The following COBL variants were observed in gnomAD, a reference collection of about 807,000 sequenced individuals.
The protein encoded by COBL is cordon-bleu WH2 repeat protein, also known as protein cordon-bleu.
COBL carries 51 observed loss-of-function variants against 98.8 expected under a neutral mutation model. That is an observed-to-expected ratio of 0.52 (90% CI 0.41 to 0.65). COBL has a LOEUF of 0.65. Among genes scored for constraint, COBL ranks in the 30% least tolerant of loss-of-function variants. The probability of loss-of-function intolerance (pLI) is 0.00; values close to 1 mark genes in which losing one functional copy is unlikely to be tolerated. For missense variants in COBL, 1,617 were observed against 1,617.5 expected, an observed-to-expected ratio of 1.00 and a Z score of 0.01; for synonymous variants, 634 against 651.7, an observed-to-expected ratio of 0.97 and a Z score of 0.41.
intron 6 of COBL, among the ~76,000 whole-genome samples, chr7:51,086,523 C>T (rs965808547): frequency 1.3e-5 from 2 of 152,128 alleles, no homozygotes; most frequent in African/African-American, 4.8e-5. Flanking sequence ...CACCCTGCCT[C>T]TGCCACTTCA....
intron 1 of COBL, among the ~76,000 whole-genome samples, chr7:51,239,097 G>T (rs1201538707): frequency 6.6e-6 from 1 of 152,130 alleles, no homozygotes; most frequent in African/African-American, 2.4e-5. Context: ...TACCTTTGGG[G>T]TTATTAAAAT....
At chr7:51,154,145 A>G (rs1443969988) in intron 5 of COBL, among the ~76,000 whole-genome samples, 1 of 152,176 alleles carries the variant, frequency 6.6e-6, no homozygotes, top group African/African-American at 2.4e-5. Flanking sequence ...TTCCTTTATG[A>G]GAGCAGCTTA....
intron 1 of COBL, among the ~76,000 whole-genome samples, chr7:51,270,515 A>C (rs1276511607): frequency 6.6e-6 from 1 of 152,216 alleles, no homozygotes; most frequent in Non-Finnish European, 1.5e-5. Flanking sequence ...CGGCTTCCTT[A>C]CACTTAAATA....
At chr7:51,199,790 A>G (rs1790945603) in intron 2 of COBL, among the ~76,000 whole-genome samples, 1 of 151,994 alleles carries the variant, frequency 6.6e-6, no homozygotes, top group African/African-American at 2.4e-5. Flanking sequence ...AGAAAAAAAA[A>G]AAAAGAAAAA....
intron 2 of COBL, among the ~76,000 whole-genome samples, chr7:51,208,543 C>T (rs571470770): frequency 1.3e-5 from 2 of 152,346 alleles, no homozygotes; most frequent in South Asian, 2.1e-4. Context: ...GCCCGGCCAC[C>T]ACCCCATCTG....
intron 2 of COBL, among the ~76,000 whole-genome samples, chr7:51,206,248 T>C (rs978188720): frequency 1.3e-5 from 2 of 152,118 alleles, no homozygotes; most frequent in Non-Finnish European, 2.9e-5. Context: ...TCCTAGCACT[T>C]TGGGAGGCCA....
chr7:51,306,835 C>T (rs867213845), intron 1 of COBL, among the ~76,000 whole-genome samples: 1 of 152,312 alleles, frequency 6.6e-6, no homozygotes, highest in South Asian at 2.1e-4. Context: ...GGCACACTGG[C>T]TTTTCATGGC....
chr7:51,251,538 TTTCTAGCA>T (rs1796725335), intron 1 of COBL, among the ~76,000 whole-genome samples: 1 of 152,234 alleles, frequency 6.6e-6, no homozygotes, highest in Non-Finnish European at 1.5e-5. Flanking sequence ...TTAGAATTTA[TTTCTAGCA>T]CTAGTTATCA....
intron 2 of COBL, among the ~76,000 whole-genome samples, chr7:51,211,073 G>C (rs1792375108): frequency 6.6e-6 from 1 of 152,128 alleles, no homozygotes; most frequent in Non-Finnish European, 1.5e-5. Context: ...GGTGTTACAA[G>C]TGCATCCCTC....
chr7:51,035,215 G>C (rs1048804995), intron 8 of COBL: 1 of 152,254 alleles, frequency 6.6e-6, no homozygotes, highest in Non-Finnish European at 1.5e-5. Flanking sequence ...GTTAGTGCCA[G>C]GAGCCAAAAG....
At chr7:51,077,911 C>A (rs1247657045) in intron 7 of COBL, among the ~76,000 whole-genome samples, 1 of 152,114 alleles carries the variant, frequency 6.6e-6, no homozygotes, top group African/African-American at 2.4e-5. Context: ...TGTTTTTGAG[C>A]CAAATCACCC....
At chr7:51,085,102 G>A in intron 7 of COBL, 64 bp downstream of exon 7, 1 of 1,609,996 alleles carries the variant, frequency 6.2e-7, no homozygotes. Flanking sequence ...GTTCACATCA[G>A]AGCTGACATT....
intron 7 of COBL, among the ~76,000 whole-genome samples, chr7:51,063,752 T>C (rs1191407469): frequency 1.3e-5 from 2 of 152,202 alleles, no homozygotes; most frequent in Non-Finnish European, 2.9e-5. Context: ...GAAATCAAGA[T>C]TTTAATGCAC....
At chr7:51,108,455 G>A (rs1387487873) in intron 6 of COBL, among the ~76,000 whole-genome samples, 11 of 152,184 alleles carry the variant, frequency 7.2e-5, no homozygotes, top group South Asian at 2.1e-4. Context: ...GCATGGCTTG[G>A]TGCAACTGTT....
At chr7:51,141,300 T>G (rs924485140) in intron 5 of COBL, among the ~76,000 whole-genome samples, 4 of 152,176 alleles carry the variant, frequency 2.6e-5, no homozygotes, top group African/African-American at 7.2e-5. Context: ...TTAAGGGATA[T>G]GTTTTGGTTA....
rs146509909 is a variant in COBL at position 51,103,303 on chromosome 7, A to G, written c.958-17999T>C. ...ATTATTTATGTGTTTGTGTGTGAGAAAGAGAGAGAATTGGTTGTTCACATC... is the reference window on the plus strand; with the variant it reads ...ATTATTTATGTGTTTGTGTGTGAGAGAGAGAGAGAATTGGTTGTTCACATC... On this transcript the variant is annotated intron_variant, in intron 6 of 12. Transcript: ENST00000265136. Among the ~76,000 whole-genome samples the G allele has an allele frequency of 5.5e-3, 844 of 152,268 alleles. 7 individuals carry two copies. The highest frequency in any genetic ancestry group is 0.019 in the African/African-American group (787 of 41,550).
At chr7:51,085,757 C>G (rs900760377) in intron 6 of COBL, among the ~76,000 whole-genome samples, 2 of 152,208 alleles carry the variant, frequency 1.3e-5, no homozygotes, top group African/African-American at 4.8e-5. Context: ...AGACCTCACC[C>G]TGCTCTGACT....
At chr7:51,294,656 A>C (rs1447063584) in intron 1 of COBL, among the ~76,000 whole-genome samples, 1 of 151,668 alleles carries the variant, frequency 6.6e-6, no homozygotes, top group Non-Finnish European at 1.5e-5. Flanking sequence ...AAAAAAAAAA[A>C]AAAAAACCAT....
chr7:51,066,576 T>G (rs559760651), intron 7 of COBL, among the ~76,000 whole-genome samples: 1 of 152,152 alleles, frequency 6.6e-6, no homozygotes, highest in African/African-American at 2.4e-5. Flanking sequence ...ATTTGTAAAA[T>G]GAGGATGATA....
Sources: gnomAD v4.1 joint callset for allele counts (sites outside exome capture counted in the v4.1 genomes callset) on GRCh38, gnomAD v4.1.1 for gene constraint, MANE v1.5 for transcripts, NCBI Gene and HGNC (gene_info 2026-07-23, HGNC 2026-07-21) for gene names.